Variants in YAP1 observed in about 807,000 individuals in gnomAD.
YAP1 encodes transcriptional coactivator YAP1.
In YAP1, 5 loss-of-function variants were observed where a neutral mutation model predicts 56.9. That is an observed-to-expected ratio of 0.09 (90% CI 0.05 to 0.18). The LOEUF (loss-of-function observed/expected upper bound fraction) is 0.18. Ranked by LOEUF, YAP1 falls within the 10% of genes least tolerant of loss-of-function variation. The pLI is 1.00. For synonymous variants in YAP1, 265 were observed against 248.1 expected (o/e 1.07, Z -0.64); for missense variants, 539 against 651.8 (o/e 0.83, Z 1.88).
At chr11:102,227,609 C>T in intron 8 of YAP1, 28 bp downstream of exon 8, 1 of 1,490,064 alleles carries the variant, frequency 6.7e-7, no homozygotes, top group African/African-American at 1.4e-5. Context: ...CTCTTAGTAA[C>T]CTGACTTAAC....
rs550279468 is a variant in YAP1, at chr11:102,116,752, TTAC to T, written c.572+2361_572+2363del. 4.8e-3 allele frequency among the ~76,000 whole-genome samples: 737 copies of T among 152,320 alleles called. 3 individuals carry two copies. Among genetic ancestry groups the T allele is most frequent in the Middle Eastern group, 0.014 (4 of 294 alleles). On this transcript the variant is annotated intron_variant, in intron 2 of 8. Coordinates refer to ENST00000282441, the MANE Select transcript of YAP1 (RefSeq NM_001130145.3). ...CTTTTATGTGGGAGTAGGATTAGTC[TTAC>T]TATATAAGAAATGTGAGGAATTTTG... is the stretch of plus-strand genomic sequence containing the variant.
At chr11:102,150,242 C>T (rs529991953) in intron 2 of YAP1, among the ~76,000 whole-genome samples, 26 of 152,132 alleles carry the variant, frequency 1.7e-4, no homozygotes, top group Admixed American at 1.3e-3. Context: ...CCTCGGCTTC[C>T]CAAAGTGCTG....
intron 4 of YAP1, chr11:102,186,378 A>G: frequency 5.2e-6 from 2 of 386,954 alleles, no homozygotes. Context: ...CCGACTAACC[A>G]GAATCACTTG....
chr11:102,126,023 A>G (rs73577867), intron 2 of YAP1, among the ~76,000 whole-genome samples: 12,094 of 152,006 alleles, frequency 0.08, 772 homozygotes, highest in African/African-American at 0.16. Context: ...GGGCTTGACA[A>G]TGTGGGGCCT....
At chr11:102,144,876 A>T (rs750166726) in intron 2 of YAP1, among the ~76,000 whole-genome samples, 1 of 37,010 alleles carries the variant, frequency 2.7e-5, no homozygotes, top group Non-Finnish European at 1.1e-4. Context: ...ACACACACAC[A>T]CATACACACA....
At chr11:102,128,061 G>T (rs1174905237) in intron 2 of YAP1, among the ~76,000 whole-genome samples, 1 of 152,206 alleles carries the variant, frequency 6.6e-6, no homozygotes, top group Non-Finnish European at 1.5e-5. Context: ...GCCCATAGGT[G>T]GAAGGGATTT....
chr11:102,226,216 A>G (rs553164431), intron 7 of YAP1, among the ~76,000 whole-genome samples: 11 of 152,298 alleles, frequency 7.2e-5, no homozygotes, highest in East Asian at 3.9e-4. Flanking sequence ...TTGTATACCA[A>G]TGGTCTCAGA....
At chr11:102,158,782 T>A (rs1946104087) in intron 2 of YAP1, among the ~76,000 whole-genome samples, 1 of 152,236 alleles carries the variant, frequency 6.6e-6, no homozygotes, top group East Asian at 1.9e-4. Flanking sequence ...AAGATAGGTA[T>A]AAGAAAGTCA....
intron 3 of YAP1, among the ~76,000 whole-genome samples, chr11:102,176,721 G>A (rs1947268376): frequency 8.8e-6 from 1 of 113,864 alleles, no homozygotes; most frequent in South Asian, 3.0e-4. Flanking sequence ...ACTCCAGGCT[G>A]GGCAACAGAG....
At chr11:102,172,641 A>G (rs1946983728) in intron 3 of YAP1, among the ~76,000 whole-genome samples, 1 of 152,112 alleles carries the variant, frequency 6.6e-6, no homozygotes, top group South Asian at 2.1e-4. Flanking sequence ...AATATTGAAT[A>G]CAAACTATGT....
intron 2 of YAP1, among the ~76,000 whole-genome samples, chr11:102,129,766 A>G (rs530420818): frequency 1.5e-4 from 23 of 151,750 alleles, no homozygotes; most frequent in African/African-American, 5.1e-4. Context: ...ATTACATAGG[A>G]AAATCTGTTG....
intron 7 of YAP1, 51 bp from the exon 8 acceptor site, chr11:102,227,418 A>AT: frequency 7.7e-7 from 1 of 1,305,478 alleles, no homozygotes; most frequent in Non-Finnish European, 1.1e-6. Context: ...TTTACCTTGA[A>AT]TTGATTTTTA....
At chr11:102,217,947 C>T (rs542377408) in intron 6 of YAP1, among the ~76,000 whole-genome samples, 2 of 152,226 alleles carry the variant, frequency 1.3e-5, no homozygotes, top group African/African-American at 4.8e-5. Flanking sequence ...GTGATCTGCC[C>T]ACCTCACCCT....
intron 2 of YAP1, among the ~76,000 whole-genome samples, chr11:102,136,499 G>A (rs10791564): frequency 0.58 from 88,571 of 151,594 alleles, 26,661 homozygotes; most frequent in South Asian, 0.74. Context: ...TACTGCTACC[G>A]TGCCTGGGTA....
chr11:102,183,229 G>A lies in YAP1; in HGVS notation c.689-2789G>A, dbSNP rs139301564. On this transcript the variant is annotated intron_variant, in intron 3 of 8. Coordinates refer to ENST00000282441, the MANE Select transcript of YAP1 (RefSeq NM_001130145.3). ...ACTAAGAGTTTAGGAGGTAGGGGAT[G>A]CAGAGTATTTGTGATAATGGGAACG... 2.7e-3 allele frequency among the ~76,000 whole-genome samples: 405 copies of A among 152,340 alleles called. 1 individual carries two copies. The highest frequency in any genetic ancestry group is 9.3e-3 in the African/African-American group (388 of 41,590).
intron 4 of YAP1, among the ~76,000 whole-genome samples, chr11:102,195,961 G>C (rs563055910): frequency 5.6e-4 from 85 of 152,162 alleles, no homozygotes; most frequent in Non-Finnish European, 6.2e-4. Context: ...TTGATCATTA[G>C]AGAAATGCAA....
intron 3 of YAP1, among the ~76,000 whole-genome samples, chr11:102,183,724 G>A (rs1006838985): frequency 6.6e-6 from 1 of 151,706 alleles, no homozygotes; most frequent in African/African-American, 2.4e-5. Flanking sequence ...GTGTGTGTGT[G>A]TGTGTGTGTG....
At chr11:102,144,424 G>T (rs1945200986) in intron 2 of YAP1, among the ~76,000 whole-genome samples, 1 of 152,188 alleles carries the variant, frequency 6.6e-6, no homozygotes. Flanking sequence ...TTTAAAGTAA[G>T]TCACCTGTTG....
At position 102,232,820 on chromosome 11, in the gene YAP1, G is replaced by C. The variant is rs148111318; in HGVS notation, c.*2880G>C. 2.0e-5 allele frequency: 3 copies of C among 152,706 alleles called. No individual in the cohort carries two copies. Among genetic ancestry groups the C allele is most frequent in the Admixed American group, 6.5e-5 (1 of 15,292 alleles). 9.5% of individuals were successfully genotyped at this position (152,706 alleles called of 1,614,324 possible). ...ATGGTTGATGGAGCACATTGATTTGGAGTTTCAGATCTTCCAAAGCACTAT... is the reference window on the plus strand; with the variant it reads ...ATGGTTGATGGAGCACATTGATTTGCAGTTTCAGATCTTCCAAAGCACTAT... On this transcript the variant is annotated 3_prime_UTR_variant, in exon 9 of 9. Transcript: ENST00000282441.
Sources: allele counts gnomAD v4.1 joint callset (sites outside exome capture counted in the v4.1 genomes callset), GRCh38; gene constraint gnomAD v4.1.1; transcripts MANE v1.5; gene names NCBI Gene and HGNC (gene_info 2026-07-23, HGNC 2026-07-21).